Variants in MAP4K4 observed in about 807,000 individuals in gnomAD.
MAP4K4 encodes mitogen-activated protein kinase kinase kinase kinase 4.
Under a neutral mutation model 189.6 loss-of-function variants are expected in MAP4K4, and 38 were observed. The observed-to-expected ratio is 0.20, with a 90% CI of 0.15 to 0.26. The LOEUF is 0.26. Among genes scored for constraint, MAP4K4 ranks in the 10% least tolerant of loss-of-function variants. MAP4K4 has a pLI of 1.00. For missense variants in MAP4K4, 1,054 were observed against 1,726.9 expected (o/e 0.61, Z 6.91); for synonymous variants, 610 against 624.3 (o/e 0.98, Z 0.34).
intron 2 of MAP4K4, among the ~76,000 whole-genome samples, chr2:101,718,151 G>C (rs1024994180): frequency 1.3e-5 from 2 of 151,806 alleles, no homozygotes; most frequent in African/African-American, 4.8e-5. Flanking sequence ...AGCTACTAGG[G>C]AGGCTGAGGC....
At chr2:101,804,984 G>C (rs2094773674) in intron 3 of MAP4K4, among the ~76,000 whole-genome samples, 1 of 145,996 alleles carries the variant, frequency 6.8e-6, no homozygotes, top group Admixed American at 7.1e-5. Context: ...TGAGGCAGGA[G>C]AATCGCTCGA....
chr2:101,829,390 A>G (rs757994167), intron 5 of MAP4K4, 114 bp from the exon 6 acceptor site: 1 of 658,482 alleles, frequency 1.5e-6, no homozygotes, highest in South Asian at 1.7e-5. Flanking sequence ...GTTAATGTTC[A>G]TGAGCTCACA....
intron 2 of MAP4K4, among the ~76,000 whole-genome samples, chr2:101,745,448 A>AG (rs1553418081): frequency 1.1e-4 from 16 of 147,304 alleles, no homozygotes; most frequent in South Asian, 2.1e-4. Context: ...TAAAAAAAAA[A>AG]AAAAAAAAAA....
chr2:101,873,859 G>A (rs900206157), intron 25 of MAP4K4, 95 bp downstream of exon 25: 14 of 923,298 alleles, frequency 1.5e-5, no homozygotes, highest in Non-Finnish European at 2.3e-5. Flanking sequence ...TTGTTCACAG[G>A]CACAGACCTC....
At chr2:101,827,709 C>T (rs1017426702) in intron 5 of MAP4K4, among the ~76,000 whole-genome samples, 3 of 152,224 alleles carry the variant, frequency 2.0e-5, no homozygotes, top group African/African-American at 4.8e-5. Context: ...AGCAGGCCAG[C>T]GTGTTCTTTT....
At chr2:101,829,822 T>C in intron 6 of MAP4K4, 1 of 426,610 alleles carries the variant, frequency 2.3e-6, no homozygotes, top group Non-Finnish European at 4.3e-6. Context: ...GCCAGACTGA[T>C]CTTCAAATCA....
chr2:101,889,183 T>C (rs904174767), intron 32 of MAP4K4, among the ~76,000 whole-genome samples: 2 of 152,210 alleles, frequency 1.3e-5, no homozygotes, highest in East Asian at 3.9e-4. Context: ...TATTTTTAAC[T>C]CTATTAGATG....
At chr2:101,875,708 T>C (rs2150111629) in intron 26 of MAP4K4, among the ~76,000 whole-genome samples, 1 of 152,294 alleles carries the variant, frequency 6.6e-6, no homozygotes, top group Middle Eastern at 3.4e-3. Flanking sequence ...CCTAGGAATG[T>C]AGGGTCATCT....
At position 101,757,708 on chromosome 2, in the gene MAP4K4, A is replaced by C. The variant is rs1463226059; in HGVS notation, c.124-33012A>C. 2.0e-5 allele frequency among the ~76,000 whole-genome samples: 3 copies of C among 152,336 alleles called. No individual in the cohort carries two copies. The East Asian group carries it at 5.8e-4, about 29-fold the overall frequency. The stretch of plus-strand genomic sequence containing the variant: ...AAGTTAGGCACAGTAAGAGATTAAC[A>C]ACAAAAGCTAATAATAAAATACAAA... On this transcript the variant is annotated intron_variant, in intron 2 of 32. Transcript: ENST00000324219.
chr2:101,747,988 T>C (rs1172005484), intron 2 of MAP4K4, among the ~76,000 whole-genome samples: 1 of 152,250 alleles, frequency 6.6e-6, no homozygotes, highest in Non-Finnish European at 1.5e-5. Context: ...GAGCTCTTTT[T>C]TTCTGATAAG....
chr2:101,707,990 C>G (rs552226960), intron 2 of MAP4K4, among the ~76,000 whole-genome samples: 2 of 151,448 alleles, frequency 1.3e-5, no homozygotes, highest in Non-Finnish European at 2.9e-5. Context: ...TGTGAGCCAT[C>G]GCGCCCAGCC....
At chr2:101,742,323 A>C (rs1365301488) in intron 2 of MAP4K4, among the ~76,000 whole-genome samples, 1 of 152,182 alleles carries the variant, frequency 6.6e-6, no homozygotes, top group African/African-American at 2.4e-5. Context: ...CTGAAAGCTC[A>C]TTGGTAACCT....
chr2:101,811,539 A>T (rs1576019017), intron 3 of MAP4K4, among the ~76,000 whole-genome samples: 1 of 151,660 alleles, frequency 6.6e-6, no homozygotes, highest in Non-Finnish European at 1.5e-5. Flanking sequence ...TCACCCTCCC[A>T]GGTGTTGACG....
At chr2:101,718,410 T>G (rs1315120233) in intron 2 of MAP4K4, among the ~76,000 whole-genome samples, 2 of 152,154 alleles carry the variant, frequency 1.3e-5, no homozygotes, top group Non-Finnish European at 2.9e-5. Context: ...AGAAACCAAG[T>G]GTTAAGGCAT....
At chr2:101,802,134 A>T (rs922966145) in intron 3 of MAP4K4, among the ~76,000 whole-genome samples, 1 of 152,168 alleles carries the variant, frequency 6.6e-6, no homozygotes, top group East Asian at 1.9e-4. Flanking sequence ...TGGTCTCCTC[A>T]TAGTCTATGA....
intron 3 of MAP4K4, among the ~76,000 whole-genome samples, chr2:101,803,295 C>A (rs61171427): frequency 7.3e-6 from 1 of 137,762 alleles, no homozygotes; most frequent in Non-Finnish European, 1.5e-5. Context: ...GTGTGTGTGT[C>A]TGTCTGTGTC....
At chr2:101,867,931 C>A in intron 20 of MAP4K4, 98 bp from the exon 21 acceptor site, 1 of 1,162,982 alleles carries the variant, frequency 8.6e-7, no homozygotes, top group Non-Finnish European at 1.3e-6. Flanking sequence ...GATTTCTGTA[C>A]TTCTCCCTCT....
chr2:101,778,159 T>TG (rs1399413851), intron 2 of MAP4K4, among the ~76,000 whole-genome samples: 1 of 152,138 alleles, frequency 6.6e-6, no homozygotes, highest in Non-Finnish European at 1.5e-5. Flanking sequence ...CCTGTGGGTC[T>TG]GGGGGGACCC....
intron 2 of MAP4K4, among the ~76,000 whole-genome samples, chr2:101,771,442 A>G (rs1243425552): frequency 6.6e-6 from 1 of 152,100 alleles, no homozygotes; most frequent in Non-Finnish European, 1.5e-5. Flanking sequence ...TTTTGTCTTT[A>G]AGCATACCAG....
Sources: gnomAD v4.1 joint callset for allele counts (sites outside exome capture counted in the v4.1 genomes callset) on GRCh38, gnomAD v4.1.1 for gene constraint, MANE v1.5 for transcripts, NCBI Gene and HGNC (gene_info 2026-07-23, HGNC 2026-07-21) for gene names.